The following PPP1R9A variants were observed in gnomAD, a reference collection of about 807,000 sequenced individuals.
PPP1R9A encodes protein phosphatase 1 regulatory subunit 9A, also known as neurabin-1.
PPP1R9A carries 59 observed loss-of-function variants against 141.9 expected under a neutral mutation model. That is an observed-to-expected ratio of 0.42 (90% CI 0.34 to 0.52). The LOEUF is 0.52. Among genes scored for constraint, PPP1R9A ranks in the 20% least tolerant of loss-of-function variants. The pLI is 0.10. For missense variants in PPP1R9A, 1,444 were observed against 1,611.9 expected (o/e 0.90, Z 1.78); for synonymous variants, 500 against 569.7 (o/e 0.88, Z 1.74).
At chr7:94,977,299 A>G (rs1463002204) in intron 2 of PPP1R9A, among the ~76,000 whole-genome samples, 2 of 152,154 alleles carry the variant, frequency 1.3e-5, no homozygotes, top group Non-Finnish European at 2.9e-5. Context: ...AGAGCTCTCC[A>G]TTATTGAGGG....
intron 2 of PPP1R9A, among the ~76,000 whole-genome samples, chr7:95,024,149 T>G (rs1212988223): frequency 6.6e-6 from 1 of 151,772 alleles, no homozygotes; most frequent in Non-Finnish European, 1.5e-5. Flanking sequence ...TCTGAGAGAC[T>G]GTTAAGATTT....
At chr7:95,049,307 A>AG (rs916571927) in intron 2 of PPP1R9A, among the ~76,000 whole-genome samples, 3 of 152,210 alleles carry the variant, frequency 2.0e-5, no homozygotes, top group African/African-American at 7.2e-5. Context: ...TTTTACCTCC[A>AG]GGGGATAAAC....
intron 2 of PPP1R9A, among the ~76,000 whole-genome samples, chr7:94,911,898 G>T (rs796744881): frequency 1.3e-5 from 2 of 152,152 alleles, no homozygotes; most frequent in African/African-American, 4.8e-5. Context: ...ACACTTTAAG[G>T]TATGAAGTAT....
At chr7:94,993,781 A>G (rs769797364) in intron 2 of PPP1R9A, among the ~76,000 whole-genome samples, 2 of 152,130 alleles carry the variant, frequency 1.3e-5, no homozygotes, top group Non-Finnish European at 2.9e-5. Flanking sequence ...TAGCTTGGAA[A>G]TTTTGTCAGA....
intron 2 of PPP1R9A, among the ~76,000 whole-genome samples, chr7:94,940,499 A>G (rs1383161579): frequency 6.6e-6 from 1 of 152,060 alleles, no homozygotes; most frequent in Admixed American, 6.6e-5. Flanking sequence ...GCCAAAGATG[A>G]TGCTAATCAT....
chr7:95,004,684 A>G (rs143836873), intron 2 of PPP1R9A, among the ~76,000 whole-genome samples: 49 of 152,322 alleles, frequency 3.2e-4, no homozygotes, highest in African/African-American at 1.0e-3. Context: ...CAATAATAGA[A>G]TGGATATGAC....
At chr7:95,038,012 T>A (rs1180075764) in intron 2 of PPP1R9A, among the ~76,000 whole-genome samples, 1 of 150,592 alleles carries the variant, frequency 6.6e-6, no homozygotes, top group African/African-American at 2.4e-5. Context: ...CTCAGAAGGC[T>A]GAGGTAGGAA....
chr7:95,243,362 G>T (rs1797715399), intron 8 of PPP1R9A, among the ~76,000 whole-genome samples: 1 of 152,140 alleles, frequency 6.6e-6, no homozygotes, highest in Admixed American at 6.6e-5. Flanking sequence ...TCAGTGATTA[G>T]CATAGTACCT....
rs546982653 is a variant in PPP1R9A at position 95,202,355 on chromosome 7, A to T, written c.1891-1310A>T. ...TTACTCTCTGTTAAACATTCTGATT[A>T]AAAAAAAATGTTAAAATGGCTCTGC... On this transcript the variant is annotated intron_variant, in intron 6 of 19. Transcript: ENST00000433360. 4.1e-5 allele frequency among the ~76,000 whole-genome samples: 6 copies of T among 147,074 alleles called. No homozygotes were observed. The South Asian group carries it at 1.0e-3, about 26-fold the overall frequency.
At chr7:95,059,124 G>A (rs1000753139) in intron 2 of PPP1R9A, among the ~76,000 whole-genome samples, 4 of 152,058 alleles carry the variant, frequency 2.6e-5, no homozygotes, top group Admixed American at 1.3e-4. Context: ...AGTTATTCAT[G>A]TATCACCTCC....
At chr7:95,218,487 C>T (rs778327635) in intron 7 of PPP1R9A, among the ~76,000 whole-genome samples, 102 of 152,100 alleles carry the variant, frequency 6.7e-4, no homozygotes, top group Non-Finnish European at 1.3e-3. Context: ...ATTAGGTTCT[C>T]TTGGTGCAGA....
At chr7:94,958,458 G>A (rs903503798) in intron 2 of PPP1R9A, among the ~76,000 whole-genome samples, 3 of 151,960 alleles carry the variant, frequency 2.0e-5, no homozygotes, top group African/African-American at 7.2e-5. Context: ...CTAGCACAAG[G>A]CAGGTACAGA....
At position 95,229,922 on chromosome 7, in the gene PPP1R9A, G is replaced by A. The variant is rs181872395; in HGVS notation, c.2112+3806G>A. ...CCTGCAGAGTCCACTTCACTCCCTT[G>A]CTACCTCCATCAAAGCAGGTGCTGG... On this transcript the variant is annotated intron_variant, in intron 8 of 19. Coordinates refer to ENST00000433360, the MANE Select transcript of PPP1R9A (RefSeq NM_001166160.2). Among the ~76,000 whole-genome samples the A allele has an allele frequency of 3.3e-3, 505 of 152,192 alleles. 23 individuals carry two copies. The highest frequency in any genetic ancestry group is 3.9e-3 in the Non-Finnish European group (266 of 68,024).
intron 2 of PPP1R9A, among the ~76,000 whole-genome samples, chr7:94,958,393 G>A (rs1345711852): frequency 1.3e-5 from 2 of 151,946 alleles, no homozygotes; most frequent in African/African-American, 4.8e-5. Flanking sequence ...TTCCAGGATA[G>A]TAGAGCCCTT....
intron 5 of PPP1R9A, among the ~76,000 whole-genome samples, chr7:95,175,673 A>G (rs1175830616): frequency 1.3e-5 from 2 of 152,118 alleles, no homozygotes; most frequent in East Asian, 1.9e-4. Context: ...GAAATTTTCA[A>G]TGATTTATAT....
At chr7:95,079,471 C>G (rs1815428078) in intron 2 of PPP1R9A, among the ~76,000 whole-genome samples, 1 of 151,844 alleles carries the variant, frequency 6.6e-6, no homozygotes, top group African/African-American at 2.4e-5. Flanking sequence ...AAAAAGAGTC[C>G]AGGACCAGAT....
intron 12 of PPP1R9A, among the ~76,000 whole-genome samples, chr7:95,262,845 C>T (rs1209323117): frequency 3.9e-5 from 6 of 152,214 alleles, no homozygotes; most frequent in Non-Finnish European, 8.8e-5. Flanking sequence ...AAGTTCAGAC[C>T]TAGTTAGAAG....
chr7:95,074,810 T>C (rs903352082), intron 2 of PPP1R9A, among the ~76,000 whole-genome samples: 1 of 152,134 alleles, frequency 6.6e-6, no homozygotes, highest in Non-Finnish European at 1.5e-5. Context: ...TGGGTGTTGC[T>C]AAATTGTCCT....
At chr7:95,031,996 T>A (rs900362357) in intron 2 of PPP1R9A, among the ~76,000 whole-genome samples, 3 of 152,198 alleles carry the variant, frequency 2.0e-5, no homozygotes, top group African/African-American at 7.2e-5. Context: ...TATTCAGAAG[T>A]GATGGTCTAT....
Sources: gnomAD v4.1 joint callset for allele counts (sites outside exome capture counted in the v4.1 genomes callset) on GRCh38, gnomAD v4.1.1 for gene constraint, MANE v1.5 for transcripts, NCBI Gene and HGNC (gene_info 2026-07-23, HGNC 2026-07-21) for gene names.